The following NOP58 variants were observed in gnomAD, a reference collection of about 807,000 sequenced individuals.
NOP58 encodes NOP58 ribonucleoprotein.
NOP58 carries 44 observed loss-of-function variants against 71.2 expected under a neutral mutation model. That is an observed-to-expected ratio of 0.62 (90% CI 0.49 to 0.79). The LOEUF (loss-of-function observed/expected upper bound fraction) is 0.79. NOP58 is among the 30% of genes least tolerant of loss of function. NOP58 has a pLI of 0.00. For synonymous variants in NOP58, 228 were observed against 200.3 expected (o/e 1.14, Z -1.17); for missense variants, 538 against 620.2 (o/e 0.87, Z 1.41).
intron 1 of NOP58, among the ~76,000 whole-genome samples, 166 bp downstream of exon 1, chr2:202,266,152 A>G (rs1441436096): frequency 6.6e-6 from 1 of 152,104 alleles, no homozygotes. Context: ...GTTACGTGTA[A>G]CACGTGGCCC....
intron 14 of NOP58, 135 bp from the exon 15 acceptor site, chr2:202,303,251 C>A (rs1689123167): frequency 1.4e-6 from 2 of 1,392,604 alleles, no homozygotes; most frequent in Non-Finnish European, 2.0e-6. Context: ...TACTAAAAAT[C>A]AAGTTTGCAT....
intron 8 of NOP58, among the ~76,000 whole-genome samples, 198 bp from the exon 9 acceptor site, chr2:202,292,579 T>C (rs1032760516): frequency 3.3e-5 from 5 of 151,666 alleles, no homozygotes; most frequent in East Asian, 1.9e-4. Context: ...CGGAGATTGC[T>C]GTGAGCTGAG....
Position 202,281,323 on chromosome 2 carries a change from A to C in NOP58, c.176-1028A>C, listed in dbSNP as rs992999577. 3.3e-5 allele frequency among the ~76,000 whole-genome samples: 5 copies of C among 151,692 alleles called. No individual in the cohort carries two copies. The East Asian group carries it at 5.9e-4, about 18-fold the overall frequency. On this transcript the variant is annotated intron_variant, in intron 3 of 14. Coordinates refer to ENST00000264279, the MANE Select transcript of NOP58 (RefSeq NM_015934.5). ...TGTATTTTTAGTAGAGTGTTTCGTCATGTTAGCCAGGCTGGTCTCTCGAAC... is the reference window on the plus strand; with the variant it reads ...TGTATTTTTAGTAGAGTGTTTCGTCCTGTTAGCCAGGCTGGTCTCTCGAAC...
In NOP58 at chr2:202,299,393, G is replaced by A. The variant is rs1689052591; in HGVS notation, c.1269-841G>A. On this transcript the variant is annotated intron_variant, in intron 12 of 14. Transcript: ENST00000264279. ...GAAAGAAATCAAATGTGTTTCTGTG[G>A]GCATTCACATTTTCTTTTTTGTGAA... Among the ~76,000 whole-genome samples the A allele has an allele frequency of 2.0e-5, 3 of 152,020 alleles. No individual in the cohort carries two copies. The South Asian group carries it at 6.2e-4, about 32-fold the overall frequency.
chr2:202,291,344 T>C (rs927191213), intron 8 of NOP58, 74 bp downstream of exon 8: 1 of 1,135,326 alleles, frequency 8.8e-7, no homozygotes, highest in Non-Finnish European at 1.2e-6. Context: ...ATGGCAATGA[T>C]GATTTTTACA....
At chr2:202,288,615 C>T (rs191383887) in intron 6 of NOP58, among the ~76,000 whole-genome samples, 4 of 151,532 alleles carry the variant, frequency 2.6e-5, no homozygotes, top group East Asian at 1.9e-4. Flanking sequence ...GTCAGGAGTT[C>T]GAGATCAGGC....
intron 2 of NOP58, among the ~76,000 whole-genome samples, chr2:202,275,966 G>A (rs1333926969): frequency 6.6e-6 from 1 of 152,160 alleles, no homozygotes; most frequent in Non-Finnish European, 1.5e-5. Context: ...ACCACACCTG[G>A]CCTAAATCTT....
chr2:202,288,485 TAAAA>T (rs369945744), intron 6 of NOP58, among the ~76,000 whole-genome samples: 2 of 115,114 alleles, frequency 1.7e-5, no homozygotes. Context: ...TCCATCTCAC[TAAAA>T]AAAAAAAAAA....
At chr2:202,297,052 G>T (rs984365685) in intron 10 of NOP58, among the ~76,000 whole-genome samples, 1 of 152,154 alleles carries the variant, frequency 6.6e-6, no homozygotes, top group Non-Finnish European at 1.5e-5. Flanking sequence ...ACATATTTAA[G>T]ATTGTTACGA....
intron 9 of NOP58, among the ~76,000 whole-genome samples, chr2:202,293,530 A>C (rs923224028): frequency 1.3e-5 from 2 of 152,234 alleles, no homozygotes; most frequent in African/African-American, 4.8e-5. Context: ...ACATTGTTAT[A>C]ATTCATCAAA....
At chr2:202,294,964 C>CA (rs746342936) in intron 9 of NOP58, among the ~76,000 whole-genome samples, 14,065 of 127,542 alleles carry the variant, frequency 0.11, 2,003 homozygotes, top group African/African-American at 0.34. Flanking sequence ...AACTCTATCT[C>CA]AAAAAAAAAA....
In NOP58 at chr2:202,277,931, CTTT is replaced by C. The variant is rs141914741; in HGVS notation, c.123-11_123-9del. The C allele has an allele frequency of 2.5e-6, 3 of 1,190,534 alleles. No individual in the cohort carries two copies. Among genetic ancestry groups the C allele is most frequent in the South Asian group, 1.5e-5 (1 of 67,278 alleles). 73.7% of individuals were successfully genotyped at this position (1,190,534 alleles called of 1,614,324 possible). On this transcript the variant is annotated splice_polypyrimidine_tract_variant and intron_variant, in intron 2 of 14. Transcript: ENST00000264279. ...ACTGCCCCCAATAACATGTTTATCTCTTTTTTTTTTAATTCTAGAGTAAAGCTA... is the reference window on the plus strand; with the variant it reads ...ACTGCCCCCAATAACATGTTTATCTCTTTTTTTAATTCTAGAGTAAAGCTA...
intron 9 of NOP58, among the ~76,000 whole-genome samples, chr2:202,293,358 T>C (rs1688936451): frequency 6.6e-6 from 1 of 152,208 alleles, no homozygotes; most frequent in Admixed American, 6.5e-5. Context: ...GGATGTAATA[T>C]ATTTGACTTT....
intron 3 of NOP58, among the ~76,000 whole-genome samples, chr2:202,281,384 C>T (rs1447671402): frequency 6.6e-6 from 1 of 152,002 alleles, no homozygotes; most frequent in Non-Finnish European, 1.5e-5. Flanking sequence ...CTCAGCCTCC[C>T]AAAGTGCTGG....
At chr2:202,288,746 C>T (rs1349631926) in intron 6 of NOP58, among the ~76,000 whole-genome samples, 7 of 151,696 alleles carry the variant, frequency 4.6e-5, no homozygotes, top group African/African-American at 1.5e-4. Flanking sequence ...ACCTGAGAGG[C>T]GGAGGTTGCA....
At position 202,277,317 on chromosome 2, in the gene NOP58, C is replaced by A. The variant is rs1220780395; in HGVS notation, c.123-633C>A. ...GAGACTCTGTCTCAAAAAAAAAAAA[C>A]AAAAACTAGCCAGGCATGGTGGCAC... On this transcript the variant is annotated intron_variant, in intron 2 of 14. Transcript: ENST00000264279. Among the ~76,000 whole-genome samples, 42 of 136,582 alleles carry A rather than the reference C, an allele frequency of 3.1e-4. No individual in the cohort carries two copies. In the South Asian group the frequency reaches 3.5e-3, roughly 12 times the overall value. 89.6% of individuals were successfully genotyped at this position (136,582 alleles called of 152,430 possible).
chr2:202,297,690 A>G (rs73990227), intron 11 of NOP58, among the ~76,000 whole-genome samples, 155 bp from the exon 12 acceptor site: 10 of 152,202 alleles, frequency 6.6e-5, no homozygotes, highest in African/African-American at 1.9e-4. Context: ...GATGTATCCA[A>G]CTGCATTTGC....
chr2:202,295,661 T>C lies in NOP58; in HGVS notation c.908-13T>C, dbSNP rs1688976500. The C allele has an allele frequency of 6.5e-7, 1 of 1,550,224 alleles. No homozygotes were observed. Among genetic ancestry groups the C allele is most frequent in the Non-Finnish European group, 8.7e-7 (1 of 1,149,112 alleles). On this transcript the variant is annotated splice_polypyrimidine_tract_variant and intron_variant, in intron 9 of 14. Transcript: ENST00000264279. Reference sequence around the variant, plus strand: ...TTTGGAGGTGCATTCTTTGTAACTTTTTTCTTTTGTAGGTTCTCTTTTAAA... The same window carrying C: ...TTTGGAGGTGCATTCTTTGTAACTTCTTTCTTTTGTAGGTTCTCTTTTAAA...
intron 1 of NOP58, among the ~76,000 whole-genome samples, chr2:202,269,111 G>A (rs1688473066): frequency 1.3e-5 from 2 of 151,364 alleles, no homozygotes; most frequent in South Asian, 2.1e-4. Flanking sequence ...ACCTCCTCCC[G>A]AGTAGCTGGG....
Sources: gnomAD v4.1 joint callset for allele counts (sites outside exome capture counted in the v4.1 genomes callset) on GRCh38, gnomAD v4.1.1 for gene constraint, MANE v1.5 for transcripts, NCBI Gene and HGNC (gene_info 2026-07-23, HGNC 2026-07-21) for gene names.